The following PARD3B variants were observed in gnomAD, a reference collection of about 807,000 sequenced individuals.
PARD3B encodes par-3 family cell polarity regulator beta, also known as partitioning defective 3 homolog B.
A neutral mutation model predicts 130.2 loss-of-function variants in PARD3B; 103 were observed. The observed-to-expected ratio is 0.79, with a 90% CI of 0.67 to 0.93. The LOEUF is 0.93. PARD3B is among the 40% of genes least tolerant of loss of function. PARD3B has a pLI of 0.00. For missense variants in PARD3B, 1,609 were observed against 1,499.2 expected, an observed-to-expected ratio of 1.07 and a Z score of -1.21; for synonymous variants, 583 against 553.2, an observed-to-expected ratio of 1.05 and a Z score of -0.76.
At chr2:205,063,846 A>G (rs999321487) in intron 4 of PARD3B, among the ~76,000 whole-genome samples, 1 of 152,168 alleles carries the variant, frequency 6.6e-6, no homozygotes, top group African/African-American at 2.4e-5. Context: ...TTTGGGTAGT[A>G]AAGCATGTAG....
At chr2:204,894,172 G>T (rs548006352) in intron 2 of PARD3B, among the ~76,000 whole-genome samples, 1 of 151,984 alleles carries the variant, frequency 6.6e-6, no homozygotes, top group African/African-American at 2.4e-5. Flanking sequence ...GGCATTAAGG[G>T]TTTTTTTGAT....
intron 2 of PARD3B, among the ~76,000 whole-genome samples, chr2:204,913,188 C>G (rs2047310820): frequency 6.6e-6 from 1 of 152,150 alleles, no homozygotes; most frequent in African/African-American, 2.4e-5. Flanking sequence ...CTGGTTCCCA[C>G]AAATATTCAA....
intron 22 of PARD3B, among the ~76,000 whole-genome samples, chr2:205,581,534 G>C (rs1169374887): frequency 6.8e-6 from 1 of 147,838 alleles, no homozygotes; most frequent in Admixed American, 6.9e-5. Flanking sequence ...ATAAGATCTA[G>C]TATGTGACAG....
intron 2 of PARD3B, among the ~76,000 whole-genome samples, chr2:204,727,185 C>T (rs1470534813): frequency 6.6e-6 from 1 of 152,156 alleles, no homozygotes; most frequent in Non-Finnish European, 1.5e-5. Flanking sequence ...TGCTAGGTAA[C>T]ACAGCTCTTG....
intron 1 of PARD3B, among the ~76,000 whole-genome samples, chr2:204,555,675 C>A (rs2030873065): frequency 6.6e-6 from 1 of 152,134 alleles, no homozygotes; most frequent in South Asian, 2.1e-4. Flanking sequence ...CCTCTCTGAC[C>A]TCATCATCTA....
chr2:205,307,796 AT>A (rs140341796), intron 18 of PARD3B, among the ~76,000 whole-genome samples: 3,419 of 152,176 alleles, frequency 0.022, 49 homozygotes, highest in Non-Finnish European at 0.035. Flanking sequence ...GTTCAAATCC[AT>A]TTTTTTTATA....
chr2:204,695,296 T>C (rs1311473033), intron 2 of PARD3B, among the ~76,000 whole-genome samples: 1 of 152,028 alleles, frequency 6.6e-6, no homozygotes, highest in Non-Finnish European at 1.5e-5. Flanking sequence ...CTTATGTAAC[T>C]TACGAATTAC....
chr2:204,613,263 T>C (rs1574550389), intron 1 of PARD3B, among the ~76,000 whole-genome samples: 1 of 152,196 alleles, frequency 6.6e-6, no homozygotes, highest in African/African-American at 2.4e-5. Context: ...TCTTTCAGAA[T>C]TTTGAAGGCA....
rs181169772 is a variant in PARD3B at position 205,187,663 on chromosome 2, T to C, written c.2024+1800T>C. On this transcript the variant is annotated intron_variant, in intron 14 of 22. Transcript: ENST00000406610. This position sits in a 1 kb window ranked among gnomAD's most constrained non-coding sequence, Gnocchi z 4.9. ...TCAAAGTCTCCACGGATTTCTTTCC[T>C]TCCCTTTTCTGCAAAGCCATTCCTT... Among the ~76,000 whole-genome samples the C allele has an allele frequency of 1.6e-3, 238 of 152,316 alleles. 1 individual carries two copies. The highest frequency in any genetic ancestry group is 5.6e-3 in the African/African-American group (232 of 41,562).
chr2:205,057,294 T>C (rs1471856575), intron 4 of PARD3B, among the ~76,000 whole-genome samples: 1 of 149,264 alleles, frequency 6.7e-6, no homozygotes, highest in Non-Finnish European at 1.5e-5. Flanking sequence ...TATACATATA[T>C]ACATGTATGT....
At chr2:205,511,302 G>A (rs2050579886) in intron 21 of PARD3B, among the ~76,000 whole-genome samples, 1 of 151,966 alleles carries the variant, frequency 6.6e-6, no homozygotes, top group African/African-American at 2.4e-5. Flanking sequence ...AAATAGCAAA[G>A]AGCAGAAAAA....
At position 204,965,258 on chromosome 2, in the gene PARD3B, C is replaced by T; in HGVS notation, c.329C>T (p.Ala110Val). 1.2e-6 allele frequency: 2 copies of T among 1,613,866 alleles called. No individual in the cohort carries two copies. Among genetic ancestry groups the T allele is most frequent in the African/African-American group, 1.3e-5 (1 of 74,990 alleles). The change falls in exon 3 of 23, where the codon GCC (alanine) becomes GTC (valine). Residue 110 changes from alanine to valine, a missense_variant. Coordinates refer to ENST00000406610, the MANE Select transcript of PARD3B (RefSeq NM_001302769.2). ...SPDAFETEVA[A>V]QLAAFKPIGG... Reference sequence around the variant, plus strand: ...GATGCTTTTGAGACAGAAGTGGCCGCCCAACTGGCCGCATTTAAGCCAATT... The same window carrying T: ...GATGCTTTTGAGACAGAAGTGGCCGTCCAACTGGCCGCATTTAAGCCAATT...
At chr2:205,271,983 C>T (rs1047103393) in intron 16 of PARD3B, among the ~76,000 whole-genome samples, 1 of 151,926 alleles carries the variant, frequency 6.6e-6, no homozygotes, top group Non-Finnish European at 1.5e-5. Context: ...CATGGGGAAA[C>T]CCCGTCTCTA....
intron 11 of PARD3B, among the ~76,000 whole-genome samples, chr2:205,165,442 G>A (rs1329488994): frequency 1.3e-5 from 2 of 150,948 alleles, no homozygotes; most frequent in African/African-American, 5.0e-5. Context: ...AAAATGAAAA[G>A]ATTTATAATA....
intron 1 of PARD3B, among the ~76,000 whole-genome samples, chr2:204,563,217 G>GTCTCCCTCTCTC (rs2031437431): frequency 1.2e-5 from 1 of 86,598 alleles, no homozygotes; most frequent in Admixed American, 1.4e-4. Context: ...TCTTCCCGCT[G>GTCTCCCTCTCTC]TCTCTCTCTC....
At chr2:204,690,130 C>T (rs548288908) in intron 2 of PARD3B, among the ~76,000 whole-genome samples, 3 of 152,094 alleles carry the variant, frequency 2.0e-5, no homozygotes, top group Non-Finnish European at 4.4e-5. Context: ...CTTTTGCATC[C>T]TCTTTTCTCT....
chr2:204,801,594 G>C (rs1216972536), intron 2 of PARD3B, among the ~76,000 whole-genome samples: 3 of 152,142 alleles, frequency 2.0e-5, no homozygotes, highest in Admixed American at 2.0e-4. Flanking sequence ...ATCAACTTGA[G>C]GAGATTTGGG....
At chr2:204,734,024 T>C (rs1263021002) in intron 2 of PARD3B, among the ~76,000 whole-genome samples, 1 of 152,182 alleles carries the variant, frequency 6.6e-6, no homozygotes, top group Non-Finnish European at 1.5e-5. Flanking sequence ...GCAAAGCGTA[T>C]GCTTAATAAA....
chr2:205,423,267 T>C (rs966970205), intron 19 of PARD3B, among the ~76,000 whole-genome samples: 5 of 152,170 alleles, frequency 3.3e-5, no homozygotes, highest in African/African-American at 1.2e-4. Flanking sequence ...GAAGACCAGA[T>C]GATGAGGATG....
Sources: allele counts gnomAD v4.1 joint callset (sites outside exome capture counted in the v4.1 genomes callset), GRCh38; gene constraint gnomAD v4.1.1; non-coding constraint Gnocchi (gnomAD v3.1); transcripts MANE v1.5; gene names NCBI Gene and HGNC (gene_info 2026-07-23, HGNC 2026-07-21).